TRPC4: variants seen among roughly 807,000 people sequenced by gnomAD.
TRPC4 encodes transient receptor potential cation channel subfamily C member 4, also known as short transient receptor potential channel 4.
Under a neutral mutation model 99.4 loss-of-function variants are expected in TRPC4, and 49 were observed. The ratio of observed to expected loss-of-function variants is 0.49; its 90% confidence interval spans 0.39 to 0.63. The LOEUF (loss-of-function observed/expected upper bound fraction) is 0.63. Ranked by LOEUF, TRPC4 falls within the 20% of genes least tolerant of loss-of-function variation. TRPC4 has a pLI of 0.00. For synonymous variants in TRPC4, 454 were observed against 425.9 expected (o/e 1.07, Z -0.81); for missense variants, 898 against 1,152.9 (o/e 0.78, Z 3.20).
chr13:37,761,204 T>A (rs1566150944), intron 2 of TRPC4, among the ~76,000 whole-genome samples: 1 of 151,952 alleles, frequency 6.6e-6, no homozygotes, highest in African/African-American at 2.4e-5. Flanking sequence ...CCATGTGCCA[T>A]GCCCTGTGTG....
intron 4 of TRPC4, among the ~76,000 whole-genome samples, chr13:37,689,858 A>G (rs1953622901): frequency 6.6e-6 from 1 of 152,218 alleles, no homozygotes; most frequent in South Asian, 2.1e-4. Flanking sequence ...CATTTATCCC[A>G]GTAAAATTTA....
chr13:37,863,669 A>T (rs1959546244), intron 1 of TRPC4, among the ~76,000 whole-genome samples: 1 of 151,610 alleles, frequency 6.6e-6, no homozygotes, highest in South Asian at 2.1e-4. Flanking sequence ...GTCATAAATG[A>T]TGGAGATGAT....
chr13:37,802,024 AAC>A (rs1221669703), intron 1 of TRPC4, among the ~76,000 whole-genome samples: 1 of 152,116 alleles, frequency 6.6e-6, no homozygotes, highest in Non-Finnish European at 1.5e-5. Context: ...AATACTATCA[AAC>A]ACACTAATTA....
At chr13:37,745,798 C>A (rs1368435166) in intron 3 of TRPC4, 139 bp downstream of exon 3, 12 of 940,310 alleles carry the variant, frequency 1.3e-5, no homozygotes, top group Non-Finnish European at 3.2e-6. Context: ...AATTATTAAT[C>A]CGGTAGACAA....
At chr13:37,842,302 A>G (rs1300068701) in intron 1 of TRPC4, among the ~76,000 whole-genome samples, 4 of 147,138 alleles carry the variant, frequency 2.7e-5, no homozygotes, top group East Asian at 4.1e-4. Context: ...ACAGATGGAA[A>G]ACACATTAGT....
At chr13:37,718,525 G>GA (rs1384132129) in intron 3 of TRPC4, among the ~76,000 whole-genome samples, 2 of 151,874 alleles carry the variant, frequency 1.3e-5, no homozygotes, top group African/African-American at 4.8e-5. Context: ...GATGGCAAAT[G>GA]AAAAAATATG....
rs77619864 is a variant in TRPC4 at position 37,865,992 on chromosome 13, T to C, written c.-28+3603A>G. ...TAAATATTGGCCCATTTTCCCTCTT[T>C]TCTTTTTTCACAATAGGTCCTGTTT... On this transcript the variant is annotated intron_variant, in intron 1 of 10. Transcript: ENST00000379705. Among the ~76,000 whole-genome samples the C allele has an allele frequency of 9.1e-3, 1,375 of 151,928 alleles. 41 individuals are homozygous for C. In the East Asian group the frequency reaches 0.1, roughly 11 times the overall value.
rs1042995245 is a variant in TRPC4 at position 37,632,235 on chromosome 13, C to A, written c.*4668G>T. ...AGAAATGTATTGCAAGGCACAAATG[C>A]AAGCCACATACGTATTTTTCAGTTT... On this transcript the variant is annotated 3_prime_UTR_variant, in exon 11 of 11. Transcript: ENST00000379705. 6.6e-6 allele frequency among the ~76,000 whole-genome samples: 1 copy of A among 152,174 alleles called. No individual in the cohort carries two copies. The highest frequency in any genetic ancestry group is 1.5e-5 in the Non-Finnish European group (1 of 68,032).
At chr13:37,814,689 T>A (rs1037906526) in intron 1 of TRPC4, among the ~76,000 whole-genome samples, 1 of 151,780 alleles carries the variant, frequency 6.6e-6, no homozygotes, top group Admixed American at 6.6e-5. Flanking sequence ...TTATAGGAGA[T>A]CAAATAAATG....
At chr13:37,846,709 G>A (rs571520489) in intron 1 of TRPC4, among the ~76,000 whole-genome samples, 3 of 151,746 alleles carry the variant, frequency 2.0e-5, no homozygotes, top group Admixed American at 6.6e-5. Context: ...AAGTTTTTAT[G>A]TACCAGTAAT....
At chr13:37,675,449 G>A (rs1416662244) in intron 4 of TRPC4, among the ~76,000 whole-genome samples, 1 of 152,052 alleles carries the variant, frequency 6.6e-6, no homozygotes, top group Non-Finnish European at 1.5e-5. Context: ...TAGAATCCCT[G>A]GGAGCCACAG....
intron 1 of TRPC4, among the ~76,000 whole-genome samples, chr13:37,802,316 A>G (rs1014602049): frequency 6.6e-6 from 1 of 152,110 alleles, no homozygotes; most frequent in Non-Finnish European, 1.5e-5. Flanking sequence ...TAATATTTTT[A>G]TTCTCTTTCA....
At chr13:37,715,502 G>A (rs1954631505) in intron 3 of TRPC4, among the ~76,000 whole-genome samples, 1 of 152,186 alleles carries the variant, frequency 6.6e-6, no homozygotes, top group Non-Finnish European at 1.5e-5. Flanking sequence ...GATAAAGGAT[G>A]TGAAGAGCTT....
In TRPC4 at chr13:37,782,817, A is replaced by G. The variant is rs542234160; in HGVS notation, c.378+139T>C. The G allele has an allele frequency of 4.9e-5, 40 of 823,840 alleles. No individual in the cohort carries two copies. In the African/African-American group the frequency reaches 6.9e-4, roughly 14 times the overall value. The allele number at this position is 823,840 out of a possible 1,614,324, so 51.0% of individuals were successfully genotyped here. A position where few individuals can be genotyped will look rare whatever the true frequency, so the allele number is the denominator to read the frequency against. On this transcript the variant is annotated intron_variant, in intron 2 of 10. Coordinates refer to ENST00000379705, the MANE Select transcript of TRPC4 (RefSeq NM_016179.4). ...GTACCTAATAGTAGTTTTCTGTTAT[A>G]ATATAGTTCAGATTTTGAAGCTTAT...
chr13:37,690,934 G>A (rs1417202446), intron 4 of TRPC4, among the ~76,000 whole-genome samples: 1 of 151,976 alleles, frequency 6.6e-6, no homozygotes, highest in Non-Finnish European at 1.5e-5. Context: ...GCCAAATGAT[G>A]AGATAGATAT....
At chr13:37,760,120 T>C (rs1464089545) in intron 2 of TRPC4, among the ~76,000 whole-genome samples, 1 of 151,958 alleles carries the variant, frequency 6.6e-6, no homozygotes, top group African/African-American at 2.4e-5. Flanking sequence ...TCTTTAAACA[T>C]TAGTTGAGAT....
chr13:37,646,925 G>A (rs562150897), intron 8 of TRPC4, among the ~76,000 whole-genome samples: 1 of 152,192 alleles, frequency 6.6e-6, no homozygotes, highest in African/African-American at 2.4e-5. Flanking sequence ...CAAATGTTGT[G>A]CTCAATAATA....
At chr13:37,731,704 AT>A (rs1955244606) in intron 3 of TRPC4, among the ~76,000 whole-genome samples, 1 of 152,142 alleles carries the variant, frequency 6.6e-6, no homozygotes, top group Non-Finnish European at 1.5e-5. Flanking sequence ...AATCAATATT[AT>A]TTAAATTGTT....
At chr13:37,789,188 G>A (rs2139378329) in intron 1 of TRPC4, among the ~76,000 whole-genome samples, 1 of 152,180 alleles carries the variant, frequency 6.6e-6, no homozygotes, top group South Asian at 2.1e-4. Context: ...TCCATGATCT[G>A]GCTTCCAAGA....
Sources: gnomAD v4.1 joint callset for allele counts (sites outside exome capture counted in the v4.1 genomes callset) on GRCh38, gnomAD v4.1.1 for gene constraint, MANE v1.5 for transcripts, NCBI Gene and HGNC (gene_info 2026-07-23, HGNC 2026-07-21) for gene names.